The following NCK2 variants were observed in gnomAD, a reference collection of about 807,000 sequenced individuals.
NCK2 encodes the protein NCK adaptor protein 2.
A neutral mutation model predicts 33.9 loss-of-function variants in NCK2; 16 were observed. The ratio of observed to expected loss-of-function variants is 0.47; its 90% CI spans 0.32 to 0.72. NCK2 has a LOEUF of 0.72. Among genes scored for constraint, NCK2 ranks in the 30% least tolerant of loss-of-function variants. The pLI, the probability that NCK2 is intolerant of heterozygous loss-of-function variation, is 0.03. For synonymous variants in NCK2, 273 were observed against 239.9 expected (o/e 1.14, Z -1.27); for missense variants, 418 against 537.3 (o/e 0.78, Z 2.19).
intron 1 of NCK2, among the ~76,000 whole-genome samples, chr2:105,809,719 T>C (rs1396975515): frequency 1.3e-5 from 2 of 152,220 alleles, no homozygotes; most frequent in African/African-American, 2.4e-5. Context: ...TAAGCACTTA[T>C]GACTTATTCA....
chr2:105,786,155 A>T (rs1298240204), intron 1 of NCK2, among the ~76,000 whole-genome samples: 1 of 152,246 alleles, frequency 6.6e-6, no homozygotes, highest in East Asian at 1.9e-4. Flanking sequence ...CTAGGGCAGC[A>T]TGATTAGCGT....
In NCK2 at chr2:105,752,827, T is replaced by G. The variant is rs1689494148; in HGVS notation, c.-201+7689T>G. ...TTTCTTTATCCAGTCATCTGTAGTA[T>G]TCATATTTCTGATAACATGTTAAGT... On this transcript the variant is annotated intron_variant, in intron 1 of 4. Coordinates refer to ENST00000233154, the MANE Select transcript of NCK2 (RefSeq NM_003581.5). Among the ~76,000 whole-genome samples the G allele has an allele frequency of 2.0e-5, 3 of 152,350 alleles. No individual in the cohort carries two copies. In the Middle Eastern group the frequency reaches 0.01, roughly 518 times the overall value.
chr2:105,850,266 T>TC (rs992713564), intron 2 of NCK2, among the ~76,000 whole-genome samples: 1 of 152,312 alleles, frequency 6.6e-6, no homozygotes, highest in Non-Finnish European at 1.5e-5. Flanking sequence ...CTGGCTACTA[T>TC]CAGGAGTGTG....
chr2:105,849,346 C>T (rs1359941974), intron 2 of NCK2, among the ~76,000 whole-genome samples: 3 of 151,942 alleles, frequency 2.0e-5, no homozygotes, highest in African/African-American at 7.3e-5. Flanking sequence ...TGTGATTGTG[C>T]CACTGCACTC....
intron 1 of NCK2, among the ~76,000 whole-genome samples, chr2:105,801,157 G>C (rs1426424817): frequency 6.6e-6 from 1 of 152,158 alleles, no homozygotes; most frequent in Non-Finnish European, 1.5e-5. Flanking sequence ...GACCCTCTTA[G>C]GTGAGTGTCC....
intron 1 of NCK2, among the ~76,000 whole-genome samples, chr2:105,760,313 G>T (rs918699547): frequency 5.9e-5 from 9 of 152,198 alleles, no homozygotes; most frequent in African/African-American, 1.2e-4. Flanking sequence ...GTGGTCCTGG[G>T]CTGTGGAGAA....
At chr2:105,851,541 G>A (rs1677069074) in intron 2 of NCK2, among the ~76,000 whole-genome samples, 1 of 152,086 alleles carries the variant, frequency 6.6e-6, no homozygotes, top group Non-Finnish European at 1.5e-5. Flanking sequence ...ACAGGCGTGA[G>A]CCACCGCACC....
At chr2:105,782,769 G>A (rs1380670534) in intron 1 of NCK2, among the ~76,000 whole-genome samples, 1 of 152,182 alleles carries the variant, frequency 6.6e-6, no homozygotes, top group Non-Finnish European at 1.5e-5. Flanking sequence ...AGAAGAGGAG[G>A]TTGCAAAGGC....
intron 4 of NCK2, among the ~76,000 whole-genome samples, chr2:105,882,376 G>A (rs17031921): frequency 0.02 from 3,077 of 152,244 alleles, 123 homozygotes; most frequent in African/African-American, 0.069. Context: ...TTCTGTGTAC[G>A]TAGAAGGCCC....
At position 105,831,250 on chromosome 2, in the gene NCK2, G is replaced by T. The variant is rs1676173203; in HGVS notation, c.-17+14637G>T. ...AGTGCAATCCCTATCAAAATACAAT[G>T]ATATTTTTCACAGAAATGGAAAAGA... On this transcript the variant is annotated intron_variant, in intron 2 of 4. Transcript: ENST00000233154. Among the ~76,000 whole-genome samples the T allele has an allele frequency of 1.3e-5, 2 of 152,084 alleles. 1 individual carries two copies. The highest frequency in any genetic ancestry group is 1.3e-4 in the Admixed American group (2 of 15,272).
chr2:105,765,784 GGGGTGTGTGTGT>G (rs1302047329), intron 1 of NCK2, among the ~76,000 whole-genome samples: 39 of 115,612 alleles, frequency 3.4e-4, no homozygotes, highest in African/African-American at 1.4e-3. Context: ...CTTAGAATAG[GGGGTGTGTGTGT>G]GTGTGTGTGT....
intron 2 of NCK2, among the ~76,000 whole-genome samples, chr2:105,819,939 T>C (rs190507443): frequency 1.3e-5 from 2 of 152,220 alleles, no homozygotes; most frequent in Admixed American, 1.3e-4. Context: ...AGATAAAATA[T>C]AGTCCCAGCC....
At chr2:105,866,803 C>G (rs981971492) in intron 3 of NCK2, among the ~76,000 whole-genome samples, 1 of 152,170 alleles carries the variant, frequency 6.6e-6, no homozygotes, top group Admixed American at 6.5e-5. Flanking sequence ...GGTACTTGGT[C>G]CTGACACAGG....
intron 2 of NCK2, among the ~76,000 whole-genome samples, chr2:105,841,434 G>A (rs748573125): frequency 6.6e-6 from 1 of 152,122 alleles, no homozygotes; most frequent in South Asian, 2.1e-4. Flanking sequence ...GTGTAGGTAG[G>A]GTGAGGTACA....
intron 2 of NCK2, among the ~76,000 whole-genome samples, chr2:105,834,653 T>G (rs1017544526): frequency 2.9e-3 from 3 of 1,042 alleles, no homozygotes; most frequent in African/African-American, 0.021. Context: ...ATTAAAGGGT[T>G]TTTTTTTCAA....
At chr2:105,785,357 T>C (rs1273150068) in intron 1 of NCK2, among the ~76,000 whole-genome samples, 2 of 152,196 alleles carry the variant, frequency 1.3e-5, no homozygotes, top group African/African-American at 4.8e-5. Context: ...TCCCCCGTCC[T>C]GGCCAAGGAG....
intron 1 of NCK2, among the ~76,000 whole-genome samples, chr2:105,771,208 C>T (rs1690126174): frequency 6.6e-6 from 1 of 151,972 alleles, no homozygotes; most frequent in Non-Finnish European, 1.5e-5. Flanking sequence ...AGGCGTGAGC[C>T]ACCGCGCCCC....
chr2:105,744,875 C>T (rs933136146), upstream of NCK2: 1 of 160,698 alleles, frequency 6.2e-6, no homozygotes, highest in Non-Finnish European at 1.3e-5. Flanking sequence ...TCGCCGCCGC[C>T]GCCGCCGCCG....
At chr2:105,815,382 G>A (rs1675442861) in intron 1 of NCK2, among the ~76,000 whole-genome samples, 1 of 151,906 alleles carries the variant, frequency 6.6e-6, no homozygotes, top group Non-Finnish European at 1.5e-5. Flanking sequence ...TTTTCTATGG[G>A]GTATTTAACA....
Sources: allele counts gnomAD v4.1 joint callset (sites outside exome capture counted in the v4.1 genomes callset), GRCh38; gene constraint gnomAD v4.1.1; transcripts MANE v1.5; gene names NCBI Gene and HGNC (gene_info 2026-07-23, HGNC 2026-07-21).